DEK: variants seen among roughly 807,000 people sequenced by gnomAD.
The protein encoded by DEK is protein DEK.
In DEK, 28 loss-of-function variants were observed where a neutral mutation model predicts 46.8. That is an observed-to-expected ratio of 0.60 (90% CI 0.44 to 0.82). The LOEUF is 0.82. DEK is among the 40% of genes least tolerant of loss of function. DEK has a pLI of 0.00. For missense variants in DEK, 416 were observed against 430.6 expected, an observed-to-expected ratio of 0.97 and a Z score of 0.30; for synonymous variants, 160 against 144.5, an observed-to-expected ratio of 1.11 and a Z score of -0.77.
At chr6:18,228,734 C>A (rs1790252244) in intron 9 of DEK, among the ~76,000 whole-genome samples, 1 of 152,254 alleles carries the variant, frequency 6.6e-6, no homozygotes, top group Middle Eastern at 3.2e-3. Context: ...ATATCCCGCG[C>A]CTGGCTCGGA....
At chr6:18,261,313 C>T (rs1791853501) in intron 2 of DEK, among the ~76,000 whole-genome samples, 1 of 152,178 alleles carries the variant, frequency 6.6e-6, no homozygotes, top group African/African-American at 2.4e-5. Flanking sequence ...TGGCTTACGT[C>T]TGTAATCCTA....
At chr6:18,234,517 G>T (rs1160656741) in intron 9 of DEK, among the ~76,000 whole-genome samples, 2 of 151,914 alleles carry the variant, frequency 1.3e-5, no homozygotes, top group Non-Finnish European at 2.9e-5. Flanking sequence ...ATCTTCAAAG[G>T]CTCCTCCCCC....
Position 18,225,642 on chromosome 6 carries a change from C to T in DEK, c.*77G>A, listed in dbSNP as rs970930974. 23 of 1,494,040 alleles carry T rather than the reference C, an allele frequency of 1.5e-5. No homozygotes were observed. The highest frequency in any genetic ancestry group is 5.8e-5 in the Admixed American group (3 of 51,940). 92.5% of individuals were successfully genotyped at this position (1,494,040 alleles called of 1,614,324 possible). On this transcript the variant is annotated 3_prime_UTR_variant, in exon 11 of 11. Transcript: ENST00000652689. ...TAACAAGGATTTAGAAAAGGAAATA[C>T]ATTCTCTTTGCTGGTATAATGGTAT...
At chr6:18,229,990 T>A (rs1790336515) in intron 9 of DEK, among the ~76,000 whole-genome samples, 1 of 152,200 alleles carries the variant, frequency 6.6e-6, no homozygotes, top group African/African-American at 2.4e-5. Flanking sequence ...AAGGTCGGGT[T>A]ACCCACAAAG....
At chr6:18,242,415 C>T (rs1435600965) in intron 7 of DEK, among the ~76,000 whole-genome samples, 1 of 152,208 alleles carries the variant, frequency 6.6e-6, no homozygotes, top group Non-Finnish European at 1.5e-5. Context: ...GTTTCTCTTT[C>T]TGCATGTGGT....
intron 9 of DEK, among the ~76,000 whole-genome samples, chr6:18,231,630 T>G (rs1216839325): frequency 2.0e-5 from 3 of 152,146 alleles, no homozygotes; most frequent in African/African-American, 4.8e-5. Context: ...AATGGATAAA[T>G]TCCTGGACAC....
In DEK at chr6:18,245,520, G is replaced by A. The variant is rs556921854; in HGVS notation, c.762+4131C>T. Among the ~76,000 whole-genome samples the A allele has an allele frequency of 3.3e-5, 5 of 151,342 alleles. No homozygotes were observed. In the South Asian group the frequency reaches 8.3e-4, roughly 25 times the overall value. On this transcript the variant is annotated intron_variant, in intron 7 of 10. Coordinates refer to ENST00000652689, the MANE Select transcript of DEK (RefSeq NM_003472.4). ...ACTCCACAGTTTGTTTCATACTTTC[G>A]AGATACGTATGCGCTATAAAAACAC...
At chr6:18,228,772 A>C (rs1219876013) in intron 9 of DEK, among the ~76,000 whole-genome samples, 1 of 152,206 alleles carries the variant, frequency 6.6e-6, no homozygotes, top group Non-Finnish European at 1.5e-5. Context: ...AGCCTCGCTC[A>C]TTGCTAGCAC....
Position 18,259,539 on chromosome 6 carries a change from T to C in DEK, c.146-1134A>G, listed in dbSNP as rs78188809. Among the ~76,000 whole-genome samples the C allele has an allele frequency of 6.8e-3, 1,024 of 151,074 alleles. 5 individuals carry two copies. Among genetic ancestry groups the C allele is most frequent in the Middle Eastern group, 0.021 (6 of 288 alleles). On this transcript the variant is annotated intron_variant, in intron 2 of 10. Transcript: ENST00000652689. ...AATAAAGTCAGATAAAAGAATACTA[T>C]ATACTGCTCGAGGTTCTGCCATTTA... is the stretch of plus-strand genomic sequence containing the variant.
At chr6:18,244,729 T>C (rs569373630) in intron 7 of DEK, 6 of 369,208 alleles carry the variant, frequency 1.6e-5, no homozygotes, top group Admixed American at 4.0e-5. Context: ...TCACAGAAGA[T>C]TATGAAAGCA....
At chr6:18,264,213 TG>T (rs1326487535) in intron 1 of DEK, 171 bp downstream of exon 1, 1 of 350,664 alleles carries the variant, frequency 2.9e-6, no homozygotes, top group Non-Finnish European at 5.0e-6. Context: ...CCGCGCCCGC[TG>T]CCCCGCGTGC....
At chr6:18,257,104 TAAC>T (rs989409595) in intron 4 of DEK, among the ~76,000 whole-genome samples, 2 of 152,190 alleles carry the variant, frequency 1.3e-5, no homozygotes, top group African/African-American at 2.4e-5. Context: ...TACAGTATAA[TAAC>T]AATCCTTTAG....
At chr6:18,238,070 T>C (rs1462770213) in intron 7 of DEK, among the ~76,000 whole-genome samples, 1 of 151,950 alleles carries the variant, frequency 6.6e-6, no homozygotes, top group African/African-American at 2.4e-5. Flanking sequence ...GGTTTTGCCA[T>C]GTTGGCCAGG....
chr6:18,243,324 AT>A (rs5874630), intron 7 of DEK, among the ~76,000 whole-genome samples: 13 of 149,754 alleles, frequency 8.7e-5, no homozygotes, highest in Admixed American at 1.3e-4. Context: ...GACGTGTCTC[AT>A]TTTTTTTTTC....
chr6:18,236,699 G>T, intron 8 of DEK, 99 bp from the exon 9 acceptor site: 1 of 825,332 alleles, frequency 1.2e-6, no homozygotes, highest in Non-Finnish European at 1.7e-6. Flanking sequence ...TCTCAAAGGG[G>T]TACTGGATCA....
chr6:18,253,856 G>A (rs1490154475), intron 6 of DEK, among the ~76,000 whole-genome samples: 4 of 152,036 alleles, frequency 2.6e-5, no homozygotes, highest in East Asian at 2.0e-4. Flanking sequence ...GGGATTACAC[G>A]AGCGTGCCTC....
At chr6:18,240,299 G>A (rs565600227) in intron 7 of DEK, among the ~76,000 whole-genome samples, 7 of 152,108 alleles carry the variant, frequency 4.6e-5, no homozygotes, top group Admixed American at 6.6e-5. Flanking sequence ...TTTTCTAAAC[G>A]GACAACCAGG....
At position 18,264,133 on chromosome 6, in the gene DEK, G is replaced by T. The variant is rs1423408826; in HGVS notation, c.-9-137C>A. The T allele has an allele frequency of 1.2e-5, 9 of 742,808 alleles. No individual in the cohort carries two copies. The South Asian group carries it at 2.1e-4, about 17-fold the overall frequency. 46.0% of individuals were successfully genotyped at this position (742,808 alleles called of 1,614,324 possible). On this transcript the variant is annotated intron_variant, in intron 1 of 10. Coordinates refer to ENST00000652689, the MANE Select transcript of DEK (RefSeq NM_003472.4). Reference sequence around the variant, plus strand: ...GCCTCCTCCCATAGCCGGGACCGCAGCGCTCAGTCCCCAGGGGCGGCTTCC... The same window carrying T: ...GCCTCCTCCCATAGCCGGGACCGCATCGCTCAGTCCCCAGGGGCGGCTTCC...
At chr6:18,228,267 T>C (rs1483307211) in intron 9 of DEK, among the ~76,000 whole-genome samples, 1 of 152,150 alleles carries the variant, frequency 6.6e-6, no homozygotes, top group East Asian at 1.9e-4. Context: ...TGTGGCTGTA[T>C]TACAATAAAA....
Sources: gnomAD v4.1 joint callset for allele counts (sites outside exome capture counted in the v4.1 genomes callset) on GRCh38, gnomAD v4.1.1 for gene constraint, MANE v1.5 for transcripts, NCBI Gene and HGNC (gene_info 2026-07-23, HGNC 2026-07-21) for gene names.